Variants in TFCP2L1 observed in about 807,000 individuals in gnomAD.
TFCP2L1 encodes transcription factor CP2 like 1, also known as transcription factor CP2-like protein 1.
In TFCP2L1, 12 loss-of-function variants were observed where a neutral mutation model predicts 72.2. The observed-to-expected ratio is 0.17, with a 90% confidence interval of 0.11 to 0.27. The LOEUF (loss-of-function observed/expected upper bound fraction) is 0.27. TFCP2L1 is among the 10% of genes least tolerant of loss of function. TFCP2L1 has a pLI of 1.00. For synonymous variants in TFCP2L1, 260 were observed against 251.0 expected (o/e 1.04, Z -0.34); for missense variants, 488 against 624.6 (o/e 0.78, Z 2.33).
chr2:121,259,672 C>T (rs1019932966), intron 2 of TFCP2L1, among the ~76,000 whole-genome samples: 1 of 152,194 alleles, frequency 6.6e-6, no homozygotes, highest in Non-Finnish European at 1.5e-5. Context: ...ATCCACCATA[C>T]ACACACATGA....
intron 2 of TFCP2L1, among the ~76,000 whole-genome samples, chr2:121,251,287 C>T (rs1686608197): frequency 6.6e-6 from 1 of 152,012 alleles, no homozygotes; most frequent in African/African-American, 2.4e-5. Context: ...CATTAAAGTC[C>T]TGTGTACCTT....
intron 13 of TFCP2L1, among the ~76,000 whole-genome samples, chr2:121,230,066 C>A (rs1024019136): frequency 6.6e-6 from 1 of 152,170 alleles, no homozygotes; most frequent in African/African-American, 2.4e-5. Context: ...TATACAGAGG[C>A]CTTCAGAATT....
intron 13 of TFCP2L1, 130 bp from the exon 14 acceptor site, chr2:121,225,743 C>T (rs537346026): frequency 2.2e-6 from 2 of 920,914 alleles, no homozygotes; most frequent in Admixed American, 1.9e-5. Flanking sequence ...TGCCCACACA[C>T]ACAGGAACGC....
chr2:121,281,355 C>T (rs1687256901), intron 1 of TFCP2L1, 84 bp from the exon 2 acceptor site: 2 of 1,477,798 alleles, frequency 1.4e-6, no homozygotes, highest in Non-Finnish European at 1.8e-6. Flanking sequence ...AGAGACGACG[C>T]AGACCACCGG....
At chr2:121,259,548 C>T (rs1230313210) in intron 2 of TFCP2L1, among the ~76,000 whole-genome samples, 1 of 152,092 alleles carries the variant, frequency 6.6e-6, no homozygotes, top group Non-Finnish European at 1.5e-5. Context: ...CTTTTTAATT[C>T]TTCCATAGTT....
At chr2:121,232,937 C>T (rs944437567) in intron 12 of TFCP2L1, among the ~76,000 whole-genome samples, 7 of 152,130 alleles carry the variant, frequency 4.6e-5, no homozygotes, top group African/African-American at 1.7e-4. Flanking sequence ...AAAGCAAATG[C>T]AATTGGATTA....
Position 121,223,821 on chromosome 2 carries a change from G to C in TFCP2L1, c.*520C>G, listed in dbSNP as rs1344773259. On this transcript the variant is annotated 3_prime_UTR_variant, in exon 15 of 15. Transcript: ENST00000263707. Reference sequence around the variant, plus strand: ...GGCGGATGCTCACCAGGGTCACTGAGAAGGGAAGCAAACCTGAAACAGGAG... The same window carrying C: ...GGCGGATGCTCACCAGGGTCACTGACAAGGGAAGCAAACCTGAAACAGGAG... 2 of 164,056 alleles carry C rather than the reference G, an allele frequency of 1.2e-5. No homozygotes were observed. Among genetic ancestry groups the C allele is most frequent in the Non-Finnish European group, 2.7e-5 (2 of 74,002 alleles). 10.2% of individuals were successfully genotyped at this position (164,056 alleles called of 1,614,324 possible). A position where few individuals can be genotyped will look rare whatever the true frequency, so the allele number is the denominator to read the frequency against.
chr2:121,247,020 C>T (rs2252862), intron 5 of TFCP2L1, 50 bp from the exon 6 acceptor site: 1 of 1,605,842 alleles, frequency 6.2e-7, no homozygotes, highest in Admixed American at 1.7e-5. Flanking sequence ...AAGCAGGGTG[C>T]CCCTGGATCC....
intron 12 of TFCP2L1, 63 bp from the exon 13 acceptor site, chr2:121,232,031 C>T (rs1254753469): frequency 2.6e-6 from 4 of 1,517,144 alleles, no homozygotes; most frequent in Non-Finnish European, 3.6e-6. Flanking sequence ...GAGCCTCCCA[C>T]CCGCCCTGAG....
chr2:121,272,441 T>C (rs1350811892), intron 2 of TFCP2L1, among the ~76,000 whole-genome samples: 1 of 152,182 alleles, frequency 6.6e-6, no homozygotes, highest in African/African-American at 2.4e-5. Context: ...TTTCAACACC[T>C]TGCATAGGAA....
chr2:121,280,639 T>G (rs1687236719), intron 2 of TFCP2L1, among the ~76,000 whole-genome samples: 1 of 151,748 alleles, frequency 6.6e-6, no homozygotes. Flanking sequence ...TCTACACCTG[T>G]GATCCCAGCT....
At chr2:121,224,764 C>A (rs915309133) in intron 14 of TFCP2L1, among the ~76,000 whole-genome samples, 6 of 152,178 alleles carry the variant, frequency 3.9e-5, no homozygotes, top group African/African-American at 1.4e-4. Context: ...AGGCGGATCT[C>A]GAGGTCAGGA....
intron 2 of TFCP2L1, among the ~76,000 whole-genome samples, chr2:121,268,115 AAAAC>A (rs1255195755): frequency 6.6e-6 from 1 of 152,214 alleles, no homozygotes; most frequent in Non-Finnish European, 1.5e-5. Flanking sequence ...CTGTCTCTCT[AAAAC>A]AAACAAAAAA....
chr2:121,235,561 G>T (rs373512317), intron 10 of TFCP2L1, among the ~76,000 whole-genome samples: 1,429 of 138,734 alleles, frequency 0.01, 18 homozygotes, highest in African/African-American at 0.034. Flanking sequence ...TGCCCTGCTT[G>T]CTTTCTTTCT....
At chr2:121,262,348 C>G (rs866048510) in intron 2 of TFCP2L1, among the ~76,000 whole-genome samples, 1 of 152,074 alleles carries the variant, frequency 6.6e-6, no homozygotes, top group Non-Finnish European at 1.5e-5. Flanking sequence ...GCCTGTAACC[C>G]TAGCTACTCG....
intron 2 of TFCP2L1, among the ~76,000 whole-genome samples, chr2:121,261,887 G>T (rs915321767): frequency 6.6e-6 from 1 of 152,134 alleles, no homozygotes; most frequent in South Asian, 2.1e-4. Flanking sequence ...AGCAAAAGAC[G>T]TATCAGCACC....
At chr2:121,244,750 T>C (rs548591406) in intron 6 of TFCP2L1, among the ~76,000 whole-genome samples, 7 of 152,136 alleles carry the variant, frequency 4.6e-5, no homozygotes, top group African/African-American at 1.7e-4. Context: ...TAACATGACA[T>C]CCCTGGTGAG....
chr2:121,256,754 C>T lies in TFCP2L1; in HGVS notation c.215-7107G>A, dbSNP rs535695163. 1.1e-3 allele frequency among the ~76,000 whole-genome samples: 163 copies of T among 151,522 alleles called. 6 individuals carry two copies. In the South Asian group the frequency reaches 0.032, roughly 29 times the overall value. ...TGGCGTCATTGCACTCCAGCTGGGG[C>T]GACAAGAGCGAAACTCCATCTCAAA... On this transcript the variant is annotated intron_variant, in intron 2 of 14. Coordinates refer to ENST00000263707, the MANE Select transcript of TFCP2L1 (RefSeq NM_014553.3).
At chr2:121,283,450 G>C (rs1218351181) in intron 1 of TFCP2L1, among the ~76,000 whole-genome samples, 1 of 152,152 alleles carries the variant, frequency 6.6e-6, no homozygotes, top group African/African-American at 2.4e-5. Context: ...ATAAAAAAGG[G>C]CAAGGACTTC....
Sources: gnomAD v4.1 joint callset for allele counts (sites outside exome capture counted in the v4.1 genomes callset) on GRCh38, gnomAD v4.1.1 for gene constraint, MANE v1.5 for transcripts, NCBI Gene and HGNC (gene_info 2026-07-23, HGNC 2026-07-21) for gene names.